Variants in KCNA6 observed in about 807,000 individuals in gnomAD.
The protein encoded by KCNA6 is human brain potassium channel-2.
In KCNA6, 17 loss-of-function variants were observed where a neutral mutation model predicts 29.5. The ratio of observed to expected loss-of-function variants is 0.58; its 90% CI spans 0.39 to 0.86. KCNA6 has a LOEUF of 0.86. Ranked by LOEUF, KCNA6 falls within the 40% of genes least tolerant of loss-of-function variation. The probability of loss-of-function intolerance (pLI) is 0.00; values close to 1 mark genes in which losing one functional copy is unlikely to be tolerated. For synonymous variants in KCNA6, 296 were observed against 304.7 expected (o/e 0.97, Z 0.30); for missense variants, 450 against 703.4 (o/e 0.64, Z 4.07).
In KCNA6 at chr12:4,811,026, G is replaced by A. The variant is rs201648835; in HGVS notation, c.985G>A (p.Gly329Ser). The change falls in exon 1 of 1, where the codon GGC (glycine) becomes AGC (serine). Residue 329 changes from glycine (G) to serine (S), a missense_variant. Around this residue, in one of 7 missense-constraint regions of KCNA6, gnomAD observed 46 missense variants for 80.2 expected, o/e 0.57. Coordinates refer to ENST00000280684, the Ensembl canonical transcript of KCNA6. This position sits in a 1 kb window ranked among gnomAD's most constrained non-coding sequence, Gnocchi z 7.1. The stretch of plus-strand genomic sequence containing the variant: ...GCAGCAACCAGCCAGTGGAGGAGGC[G>A]GCCAGAATGGGCAGCAGGCCATGTC... 4 of 1,614,238 alleles carry A rather than the reference G, an allele frequency of 2.5e-6. No homozygotes were observed. The highest frequency in any genetic ancestry group is 2.7e-5 in the African/African-American group (2 of 75,072).
the KCNA6 span, among the ~76,000 whole-genome samples, chr12:4,834,297 C>T: frequency 6.6e-6 from 1 of 152,002 alleles, no homozygotes; most frequent in Admixed American, 6.6e-5. Flanking sequence ...TCTGAGAGCA[C>T]AAAGGCAGTA....
In KCNA6 at chr12:4,810,602, C is replaced by T. The variant is rs368028053; in HGVS notation, c.561C>T (p.Ser187=). Residue 187 remains serine, a synonymous_variant, in exon 1 of 1, where the codon TCC becomes TCT. Coordinates refer to ENST00000280684, the Ensembl canonical transcript of KCNA6. The surrounding 1 kb of genome is among the most constrained non-coding windows in gnomAD (Gnocchi z 7.5). ...TCTCCGTGTTGGTCATTCTCATCTC[C>T]ATAGTCATCTTTTGCCTGGAGACCT... is the stretch of plus-strand genomic sequence containing the variant. 3 of 1,614,070 alleles carry T rather than the reference C, an allele frequency of 1.9e-6. No homozygotes were observed. The African/African-American group carries it at 4.0e-5, about 22-fold the overall frequency.
At chr12:4,823,170 A>G in the KCNA6 span, among the ~76,000 whole-genome samples, 89 of 152,094 alleles carry the variant, frequency 5.9e-4, no homozygotes, top group African/African-American at 2.0e-3. Flanking sequence ...TGTTTTGTGT[A>G]TGTATAATAT....
chr12:4,835,380 C>T, the KCNA6 span, among the ~76,000 whole-genome samples: 41 of 152,170 alleles, frequency 2.7e-4, no homozygotes, highest in Middle Eastern at 3.4e-3. Context: ...GTGATCCGCC[C>T]GCCTCAGCCT....
At chr12:4,827,756 G>C in the KCNA6 span, among the ~76,000 whole-genome samples, 1 of 152,170 alleles carries the variant, frequency 6.6e-6, no homozygotes, top group South Asian at 2.1e-4. Context: ...CTTCCGAGCT[G>C]GGGCTTAGCC....
chr12:4,812,929 C>T (rs753509746), exon 1 of KCNA6: 1 of 167,110 alleles, frequency 6.0e-6, no homozygotes, highest in East Asian at 1.9e-4. Flanking sequence ...TAGCCATTTT[C>T]TTCCATTGTG....
At chr12:4,823,528 A>G in the KCNA6 span, among the ~76,000 whole-genome samples, 8,796 of 151,988 alleles carry the variant, frequency 0.058, 276 homozygotes, top group African/African-American at 0.088. Context: ...GCACTTTGAG[A>G]GGCCGAGGCG....
At chr12:4,823,630 G>A in the KCNA6 span, among the ~76,000 whole-genome samples, 1 of 152,088 alleles carries the variant, frequency 6.6e-6, no homozygotes, top group Admixed American at 6.5e-5. Flanking sequence ...AGCCAGGTGT[G>A]GTGGCAGATT....
chr12:4,817,749 A>T (rs971641124), downstream of KCNA6, among the ~76,000 whole-genome samples: 6 of 150,404 alleles, frequency 4.0e-5, no homozygotes, highest in South Asian at 8.5e-4. Flanking sequence ...ATTTATTACA[A>T]TTTTTTTTTT....
the KCNA6 span, among the ~76,000 whole-genome samples, chr12:4,844,128 T>C: frequency 8.5e-5 from 13 of 152,308 alleles, no homozygotes; most frequent in South Asian, 2.7e-3. The surrounding 1 kb of genome is among the most constrained non-coding windows in gnomAD (Gnocchi z 4.0). Flanking sequence ...ACTTTTTCAT[T>C]TTCTAAAGCA....
the KCNA6 span, among the ~76,000 whole-genome samples, chr12:4,823,644 G>A: frequency 6.6e-6 from 1 of 152,128 alleles, no homozygotes; most frequent in Non-Finnish European, 1.5e-5. Context: ...GCAGATTTCT[G>A]TAATCTCGGC....
chr12:4,824,394 C>T, the KCNA6 span, among the ~76,000 whole-genome samples: 5 of 152,144 alleles, frequency 3.3e-5, no homozygotes, highest in African/African-American at 1.2e-4. Context: ...CAAATAGTGA[C>T]CATGATTCAG....
In KCNA6 at chr12:4,811,421, C is replaced by T; in HGVS notation, c.1380C>T (p.Asn460=). Reference sequence around the variant, plus strand: ...TGCCTGTGCCCGTCATCGTCTCCAACTTCAACTACTTCTACCACCGGGAGA... The same window carrying T: ...TGCCTGTGCCCGTCATCGTCTCCAATTTCAACTACTTCTACCACCGGGAGA... Residue 460 remains asparagine (N), a synonymous_variant, in exon 1 of 1, where the codon AAC becomes AAT. Coordinates refer to ENST00000280684, the Ensembl canonical transcript of KCNA6. This position sits in a 1 kb window ranked among gnomAD's most constrained non-coding sequence, Gnocchi z 7.1. 6.2e-7 allele frequency: 1 copy of T among 1,614,146 alleles called. No individual in the cohort carries two copies. Among genetic ancestry groups the T allele is most frequent in the Non-Finnish European group, 8.5e-7 (1 of 1,180,036 alleles).
chr12:4,848,288 C>G, the KCNA6 span, among the ~76,000 whole-genome samples: 4 of 152,176 alleles, frequency 2.6e-5, no homozygotes, highest in African/African-American at 9.6e-5. Context: ...TTATAGGTTC[C>G]TGGGGGTAAA....
At chr12:4,843,959 A>G in the KCNA6 span, among the ~76,000 whole-genome samples, 1 of 152,194 alleles carries the variant, frequency 6.6e-6, no homozygotes, top group Non-Finnish European at 1.5e-5. Flanking sequence ...CCATATCAAT[A>G]GTATAAGGCT....
chr12:4,828,668 G>T, the KCNA6 span, among the ~76,000 whole-genome samples: 2 of 152,118 alleles, frequency 1.3e-5, no homozygotes, highest in Non-Finnish European at 2.9e-5. Flanking sequence ...GCATTTAATC[G>T]TCCCAGTTGC....
chr12:4,838,180 C>T, the KCNA6 span, among the ~76,000 whole-genome samples: 110 of 152,280 alleles, frequency 7.2e-4, no homozygotes, highest in African/African-American at 2.4e-3. Flanking sequence ...CTTCCTCAGA[C>T]GTTTGGAGGG....
the KCNA6 span, among the ~76,000 whole-genome samples, chr12:4,849,023 G>C: frequency 9.0e-6 from 1 of 110,870 alleles, no homozygotes; most frequent in Non-Finnish European, 2.0e-5. Context: ...GGGAGGCTGA[G>C]GCAGGAGAAT....
chr12:4,821,201 C>G, the KCNA6 span, among the ~76,000 whole-genome samples: 2 of 152,124 alleles, frequency 1.3e-5, no homozygotes, highest in Non-Finnish European at 1.5e-5. Context: ...GGTGGTTGAG[C>G]CATAAATCAG....
Sources: gnomAD v4.1 joint callset for allele counts (sites outside exome capture counted in the v4.1 genomes callset) on GRCh38, gnomAD v4.1.1 for gene constraint, gnomAD v4.1.1 regional missense constraint, Gnocchi (gnomAD v3.1) non-coding constraint, MANE v1.5 for transcripts, NCBI Gene and HGNC (gene_info 2026-07-23, HGNC 2026-07-21) for gene names.